The following TP53BP1 variants were observed in gnomAD, a reference collection of about 807,000 sequenced individuals.
TP53BP1 encodes the protein TP53-binding protein 1.
A neutral mutation model predicts 200.8 loss-of-function variants in TP53BP1; 61 were observed. The observed-to-expected ratio is 0.30, with a 90% CI of 0.25 to 0.38. The LOEUF is 0.38. TP53BP1 is among the 10% of genes least tolerant of loss of function. The pLI is 1.00. For missense variants in TP53BP1, 2,144 were observed against 2,371.9 expected, an observed-to-expected ratio of 0.90 and a Z score of 2.00; for synonymous variants, 822 against 844.3, an observed-to-expected ratio of 0.97 and a Z score of 0.46.
Position 43,492,328 on chromosome 15 carries a change from G to C in TP53BP1, c.148C>G (p.Arg50Gly), listed in dbSNP as rs776305792. The C allele has an allele frequency of 5.0e-6, 8 of 1,614,090 alleles. No individual in the cohort carries two copies. In the South Asian group the frequency reaches 6.6e-5, roughly 13 times the overall value. Residue 50 changes from arginine (R) to glycine (G), a missense_variant, in exon 2 of 28, where the codon CGA becomes GGA. Around this residue, in one of 4 missense-constraint regions of TP53BP1, gnomAD observed 1,700 missense variants for 1,710.3 expected, o/e 0.99. Coordinates refer to ENST00000382044, the MANE Select transcript of TP53BP1 (RefSeq NM_001141980.3). ...TGCGTCTGGAGATTAGGAAGGTGTC[G>C]AGATAGCATACTGAAGTGAGAACCA... is the stretch of plus-strand genomic sequence containing the variant. ...DSGSHFSMLS[R>G]HLPNLQTHKE... is the part of the protein sequence containing the mutation.
intron 12 of TP53BP1, among the ~76,000 whole-genome samples, chr15:43,452,421 G>T (rs1191099981): frequency 1.3e-5 from 2 of 151,990 alleles, no homozygotes; most frequent in Non-Finnish European, 2.9e-5. Flanking sequence ...AGCCAAGCAT[G>T]CTGGTACACG....
At chr15:43,493,996 T>G (rs971233919), upstream of TP53BP1, among the ~76,000 whole-genome samples, 3 of 152,180 alleles carry the variant, frequency 2.0e-5, no homozygotes, top group African/African-American at 7.2e-5. Flanking sequence ...ATCCTAATTA[T>G]GGTGCCAGGG....
At position 43,459,938 on chromosome 15, in the gene TP53BP1, G is replaced by A. The variant is rs187180579; in HGVS notation, c.1390-2720C>T. Among the ~76,000 whole-genome samples, 6 of 152,298 alleles carry A rather than the reference G, an allele frequency of 3.9e-5. No homozygotes were observed. The East Asian group carries it at 1.2e-3, about 29-fold the overall frequency. On this transcript the variant is annotated intron_variant, in intron 11 of 27. Transcript: ENST00000382044. The stretch of plus-strand genomic sequence containing the variant: ...AGAAAGCTGATGTGTGATTGCCTAG[G>A]GCGGGAGAAGGGAGTATACTGGGCA...
chr15:43,449,512 T>G (rs1192415926), intron 12 of TP53BP1, among the ~76,000 whole-genome samples: 1 of 152,244 alleles, frequency 6.6e-6, no homozygotes, highest in Middle Eastern at 3.2e-3. Flanking sequence ...GAAAGTAATT[T>G]TAGCACCATT....
chr15:43,480,268 T>C (rs932280246), intron 5 of TP53BP1, among the ~76,000 whole-genome samples: 5 of 152,066 alleles, frequency 3.3e-5, no homozygotes, highest in Non-Finnish European at 7.4e-5. Context: ...GCCAACATGG[T>C]GAAACCCCAT....
intron 13 of TP53BP1, chr15:43,446,898 T>C: frequency 1.2e-6 from 1 of 865,752 alleles, no homozygotes; most frequent in Non-Finnish European, 1.8e-6. Flanking sequence ...GGCATGATTG[T>C]TACCTCCCAG....
At position 43,456,120 on chromosome 15, in the gene TP53BP1, G is replaced by T; in HGVS notation, c.2488C>A (p.Pro830Thr). Reference sequence around the variant, plus strand: ...GGCTGTGAAGAATCTTGCTCTACAGGTTCTGTTTCTGCAGTCCCTGATTTC... The same window carrying T: ...GGCTGTGAAGAATCTTGCTCTACAGTTTCTGTTTCTGCAGTCCCTGATTTC... ...DLKSGTAETE[P>T]VEQDSSQPSL... is the part of the protein sequence containing the mutation. The change falls in exon 12 of 28, where the codon CCT becomes ACT. Residue 830 changes from proline (P) to threonine (T), a missense_variant. Pro to Thr is a conservative substitution (Grantham distance 38). Coordinates refer to ENST00000382044, the MANE Select transcript of TP53BP1 (RefSeq NM_001141980.3). 6.2e-7 allele frequency: 1 copy of T among 1,614,206 alleles called. No individual in the cohort carries two copies. Among genetic ancestry groups the T allele is most frequent in the Middle Eastern group, 1.6e-4 (1 of 6,062 alleles).
At chr15:43,408,685 T>C (rs1001595343) in intron 26 of TP53BP1, 2 of 567,766 alleles carry the variant, frequency 3.5e-6, no homozygotes, top group Admixed American at 3.0e-5. Context: ...TGAACCTATA[T>C]ACAAATCTTC....
chr15:43,432,252 C>T lies in TP53BP1; in HGVS notation c.3617G>A (p.Gly1206Glu), dbSNP rs2045688137. The change falls in exon 17 of 28, where the codon GGG (glycine) becomes GAG (glutamate). Residue 1206 changes from glycine to glutamate, a missense_variant. This residue lies in a region of TP53BP1 where 1,700 missense variants were observed against 1,710.3 expected (regional missense o/e 0.99). Coordinates refer to ENST00000382044, the MANE Select transcript of TP53BP1 (RefSeq NM_001141980.3). Reference protein sequence around the residue: ...KQDATVQTERGSGEKPVSAPG... With the variant: ...KQDATVQTERESGEKPVSAPG... ...AGCACTGACTGGTTTCTCACCACTC[C>T]CCCTCTCAGTCTGAACTGTGGCATC... The T allele has an allele frequency of 1.9e-6, 3 of 1,614,150 alleles. No individual in the cohort carries two copies. The highest frequency in any genetic ancestry group is 2.5e-6 in the Non-Finnish European group (3 of 1,180,014).
chr15:43,471,418 A>C (rs920155330), intron 10 of TP53BP1, among the ~76,000 whole-genome samples: 4 of 152,092 alleles, frequency 2.6e-5, no homozygotes, highest in African/African-American at 9.7e-5. Context: ...GACTGTTTAC[A>C]ATCAGGGAGA....
chr15:43,447,328 A>T (rs1438237126), intron 13 of TP53BP1, 38 bp downstream of exon 13: 5 of 1,584,130 alleles, frequency 3.2e-6, no homozygotes, highest in Non-Finnish European at 4.3e-6. Context: ...ATATCTCAGA[A>T]ATTCTGCCTT....
intron 12 of TP53BP1, among the ~76,000 whole-genome samples, chr15:43,453,087 G>A (rs1038067292): frequency 2.8e-4 from 42 of 151,254 alleles, no homozygotes; most frequent in Non-Finnish European, 4.7e-4. Context: ...CCAGCTACTC[G>A]GGAGGCTGAC....
chr15:43,449,034 G>C (rs1178942774), intron 12 of TP53BP1, among the ~76,000 whole-genome samples: 1 of 133,948 alleles, frequency 7.5e-6, no homozygotes, highest in Admixed American at 6.9e-5. Context: ...GGCTGAGGCA[G>C]GAGAACTGCT....
intron 12 of TP53BP1, among the ~76,000 whole-genome samples, chr15:43,448,944 T>C (rs2143006250): frequency 6.6e-6 from 1 of 151,982 alleles, no homozygotes; most frequent in Admixed American, 6.6e-5. Flanking sequence ...CTGGCCAAAA[T>C]AATGAAACCC....
At chr15:43,498,018 G>C (rs1200512241), upstream of TP53BP1, among the ~76,000 whole-genome samples, 1 of 152,268 alleles carries the variant, frequency 6.6e-6, no homozygotes, top group East Asian at 1.9e-4. Flanking sequence ...TAATTGTATA[G>C]GTAACAGTGG....
rs375731722 is a variant in TP53BP1, at chr15:43,405,137, A to G, written c.*2246T>C. On this transcript the variant is annotated 3_prime_UTR_variant, in exon 28 of 28. Transcript: ENST00000382044. ...TTTAGATCACAGGTTATCCTGATTCATATTTCTTTGAAGGTAGTCTTGGGA... is the reference window on the plus strand; with the variant it reads ...TTTAGATCACAGGTTATCCTGATTCGTATTTCTTTGAAGGTAGTCTTGGGA... The G allele has an allele frequency of 6.5e-5, 102 of 1,570,606 alleles. No individual in the cohort carries two copies. In the African/African-American group the frequency reaches 1.2e-3, roughly 19 times the overall value.
chr15:43,442,713 G>A (rs766825760), intron 14 of TP53BP1, among the ~76,000 whole-genome samples: 1 of 150,658 alleles, frequency 6.6e-6, no homozygotes, highest in Non-Finnish European at 1.5e-5. Context: ...GACCAGGCTG[G>A]TCTCAAACTT....
intron 4 of TP53BP1, among the ~76,000 whole-genome samples, chr15:43,482,314 T>A (rs2078983732): frequency 6.6e-6 from 1 of 152,112 alleles, no homozygotes; most frequent in South Asian, 2.1e-4. Context: ...TTTCACAATC[T>A]ATTAATAACA....
intron 20 of TP53BP1, 35 bp downstream of exon 20, chr15:43,420,987 GAAC>G: frequency 7.6e-6 from 12 of 1,586,120 alleles, no homozygotes; most frequent in Non-Finnish European, 1.0e-5. Context: ...CTTGTTTTCT[GAAC>G]AACAGACTAA....
Sources: gnomAD v4.1 joint callset for allele counts (sites outside exome capture counted in the v4.1 genomes callset) on GRCh38, gnomAD v4.1.1 for gene constraint, gnomAD v4.1.1 regional missense constraint, MANE v1.5 for transcripts, NCBI Gene and HGNC (gene_info 2026-07-23, HGNC 2026-07-21) for gene names.